The following LRMDA variants were observed in gnomAD, a reference collection of about 807,000 sequenced individuals.
LRMDA encodes the protein leucine rich melanocyte differentiation associated.
A neutral mutation model predicts 29.8 loss-of-function variants in LRMDA; 18 were observed. The observed-to-expected ratio is 0.60, with a 90% confidence interval of 0.42 to 0.90. The LOEUF is 0.90. LRMDA is among the 40% of genes least tolerant of loss of function. The pLI, the probability that LRMDA is intolerant of heterozygous loss-of-function variation, is 0.00. For synonymous variants in LRMDA, 125 were observed against 109.4 expected, an observed-to-expected ratio of 1.14 and a Z score of -0.89; for missense variants, 273 against 273.9, an observed-to-expected ratio of 1.00 and a Z score of 0.02.
chr10:75,937,351 A>T (rs1382543895), intron 2 of LRMDA, among the ~76,000 whole-genome samples: 2 of 152,230 alleles, frequency 1.3e-5, no homozygotes, highest in African/African-American at 4.8e-5. Flanking sequence ...ATTTAAAAGA[A>T]TGAGCCATTT....
chr10:76,379,726 A>G (rs1841567156), intron 6 of LRMDA, among the ~76,000 whole-genome samples: 1 of 151,446 alleles, frequency 6.6e-6, no homozygotes, highest in Non-Finnish European at 1.5e-5. Context: ...TTCTGCTCTG[A>G]TCTTTGTTAT....
At chr10:76,352,391 G>C (rs1311411594) in intron 6 of LRMDA, among the ~76,000 whole-genome samples, 2 of 152,038 alleles carry the variant, frequency 1.3e-5, no homozygotes, top group African/African-American at 4.8e-5. Flanking sequence ...AAGTAAAATA[G>C]GGTTACTTCA....
intron 2 of LRMDA, among the ~76,000 whole-genome samples, chr10:75,837,520 G>T (rs10824344): frequency 0.37 from 56,127 of 152,018 alleles, 12,192 homozygotes; most frequent in South Asian, 0.5. Context: ...ACATGTATTT[G>T]TAATGCATGT....
At chr10:76,270,031 G>T (rs1405173391) in intron 5 of LRMDA, among the ~76,000 whole-genome samples, 2 of 152,066 alleles carry the variant, frequency 1.3e-5, no homozygotes, top group African/African-American at 4.8e-5. Context: ...TCCCCTTTTT[G>T]TTCCCCGTCA....
intron 2 of LRMDA, among the ~76,000 whole-genome samples, chr10:75,717,018 A>G (rs1842509300): frequency 6.6e-6 from 1 of 152,078 alleles, no homozygotes; most frequent in Non-Finnish European, 1.5e-5. Flanking sequence ...CTCTCTCCCC[A>G]TAATATCTCA....
At chr10:75,919,156 C>T (rs1845985102) in intron 2 of LRMDA, among the ~76,000 whole-genome samples, 1 of 152,110 alleles carries the variant, frequency 6.6e-6, no homozygotes, top group Non-Finnish European at 1.5e-5. Flanking sequence ...TAGAACTGAC[C>T]GGGGACAAAG....
intron 6 of LRMDA, among the ~76,000 whole-genome samples, chr10:76,381,182 C>T (rs1222751534): frequency 1.3e-5 from 2 of 151,992 alleles, no homozygotes; most frequent in Non-Finnish European, 2.9e-5. Context: ...ACATTGGACA[C>T]TGACTGTAAA....
intron 5 of LRMDA, among the ~76,000 whole-genome samples, chr10:76,201,293 C>T (rs535412934): frequency 6.6e-6 from 1 of 151,804 alleles, no homozygotes; most frequent in Non-Finnish European, 1.5e-5. Context: ...TGGAGTTTCA[C>T]CATATTGTCT....
intron 2 of LRMDA, among the ~76,000 whole-genome samples, chr10:75,611,778 G>T (rs879476279): frequency 6.6e-6 from 1 of 152,220 alleles, no homozygotes; most frequent in African/African-American, 2.4e-5. Flanking sequence ...GGCAAGCACA[G>T]TATAGGTTGG....
chr10:76,050,275 G>A (rs1381249104), intron 4 of LRMDA, among the ~76,000 whole-genome samples: 2 of 152,184 alleles, frequency 1.3e-5, no homozygotes, highest in Non-Finnish European at 2.9e-5. Flanking sequence ...TTGAGTTTCT[G>A]TGGAGTCTTT....
intron 2 of LRMDA, among the ~76,000 whole-genome samples, chr10:75,457,305 C>CA (rs1386283538): frequency 1.4e-4 from 21 of 152,178 alleles, no homozygotes; most frequent in Admixed American, 1.2e-3. Context: ...CTTTATCTGG[C>CA]AAACTAGTAT....
chr10:76,036,706 A>C (rs1364452836), intron 3 of LRMDA, among the ~76,000 whole-genome samples: 1 of 152,188 alleles, frequency 6.6e-6, no homozygotes, highest in Admixed American at 6.5e-5. Flanking sequence ...GGCCTAGGGG[A>C]CCCACGACAG....
chr10:76,471,268 T>C (rs1242190075), intron 6 of LRMDA, among the ~76,000 whole-genome samples: 3 of 151,748 alleles, frequency 2.0e-5, no homozygotes, highest in Non-Finnish European at 4.4e-5. Context: ...GTTTGTAATA[T>C]ATTTAAATAT....
intron 2 of LRMDA, among the ~76,000 whole-genome samples, chr10:75,871,565 TC>T (rs1845111525): frequency 1.3e-5 from 2 of 152,128 alleles, no homozygotes; most frequent in African/African-American, 4.8e-5. Context: ...TGTTGGATTT[TC>T]CTCCTCCCCT....
At chr10:76,453,609 C>A (rs1460340906) in intron 6 of LRMDA, among the ~76,000 whole-genome samples, 1 of 152,130 alleles carries the variant, frequency 6.6e-6, no homozygotes, top group Non-Finnish European at 1.5e-5. Flanking sequence ...GATGGATAAA[C>A]CGGTAACCAC....
In LRMDA at chr10:76,133,067, C is replaced by T. The variant is rs1850027634; in HGVS notation, c.516+74284C>T. Among the ~76,000 whole-genome samples, 3 of 150,344 alleles carry T rather than the reference C, an allele frequency of 2.0e-5. 1 individual carries two copies. The South Asian group carries it at 6.3e-4, about 32-fold the overall frequency. The stretch of plus-strand genomic sequence containing the variant: ...CAATCTCCTGACCTCGTGATCCGCC[C>T]GCCTCAGCCTCCCAAAGTGCTGGGA... On this transcript the variant is annotated intron_variant, in intron 5 of 6. Transcript: ENST00000611255.
intron 6 of LRMDA, among the ~76,000 whole-genome samples, chr10:76,349,911 A>G (rs186512094): frequency 6.6e-6 from 1 of 152,280 alleles, no homozygotes; most frequent in East Asian, 1.9e-4. Flanking sequence ...TACTCATAGC[A>G]TAACAAAACA....
chr10:76,354,657 CTT>C (rs2132436413), intron 6 of LRMDA, among the ~76,000 whole-genome samples: 1 of 152,212 alleles, frequency 6.6e-6, no homozygotes, highest in Non-Finnish European at 1.5e-5. Context: ...GCAATTCAAT[CTT>C]ATAAAAAACC....
chr10:75,987,002 T>C (rs988740847), intron 2 of LRMDA, among the ~76,000 whole-genome samples: 1 of 152,220 alleles, frequency 6.6e-6, no homozygotes, highest in Non-Finnish European at 1.5e-5. Flanking sequence ...TCTGTCCTTT[T>C]GGCCACAATG....
Sources: gnomAD v4.1 joint callset for allele counts (sites outside exome capture counted in the v4.1 genomes callset) on GRCh38, gnomAD v4.1.1 for gene constraint, MANE v1.5 for transcripts, NCBI Gene and HGNC (gene_info 2026-07-23, HGNC 2026-07-21) for gene names.